Variants in DIP2C observed in about 807,000 individuals in gnomAD.
DIP2C encodes the protein DIP2 acetate--CoA ligase C (putative).
In DIP2C, 33 loss-of-function variants were observed where a neutral mutation model predicts 192.4. The ratio of observed to expected loss-of-function variants is 0.17; its 90% CI spans 0.13 to 0.23. DIP2C has a LOEUF of 0.23. Among genes scored for constraint, DIP2C ranks in the 10% least tolerant of loss-of-function variants. The probability of loss-of-function intolerance (pLI) is 1.00; values close to 1 mark genes in which losing one functional copy is unlikely to be tolerated. For missense variants in DIP2C, 1,537 were observed against 2,110.1 expected (o/e 0.73, Z 5.32); for synonymous variants, 979 against 864.1 (o/e 1.13, Z -2.33).
rs146149577 is a variant in DIP2C at position 356,439 on chromosome 10, A to G, written c.2972T>C (p.Leu991Pro). The change falls in exon 24 of 37, where the codon CTG becomes CCG. Residue 991 changes from leucine (L) to proline (P), a missense_variant. Leu to Pro is a moderately conservative substitution (Grantham distance 98, BLOSUM62 -3). Around this residue, in one of 4 missense-constraint regions of DIP2C, gnomAD observed 677 missense variants for 989.9 expected, o/e 0.68. Coordinates refer to ENST00000280886, the MANE Select transcript of DIP2C (RefSeq NM_014974.3). ...TCCGCGCCTCACCCGACAGTTGAGC[A>G]GCGTGTAGAGGATGTGGTCCGGGGT... Reference protein sequence around the residue: ...QTTPDHILYTLLNCRGAIANS... With the variant: ...QTTPDHILYTPLNCRGAIANS... 1.9e-6 allele frequency: 3 copies of G among 1,611,678 alleles called. No individual in the cohort carries two copies. In the African/African-American group the frequency reaches 4.0e-5, roughly 22 times the overall value.
At chr10:493,457 C>T (rs777177517) in intron 1 of DIP2C, among the ~76,000 whole-genome samples, 22 of 152,014 alleles carry the variant, frequency 1.4e-4, no homozygotes, top group Non-Finnish European at 2.8e-4. Flanking sequence ...TTGGGGGGAG[C>T]GAGAAGGGGC....
chr10:574,118 C>T (rs1588491631), intron 1 of DIP2C, among the ~76,000 whole-genome samples: 1 of 152,238 alleles, frequency 6.6e-6, no homozygotes, highest in African/African-American at 2.4e-5. Flanking sequence ...CGTTCTGATG[C>T]ATTTTACTGA....
intron 3 of DIP2C, among the ~76,000 whole-genome samples, chr10:455,124 A>G (rs1969181463): frequency 6.6e-6 from 1 of 152,228 alleles, no homozygotes; most frequent in Admixed American, 6.5e-5. Context: ...TCACAGCAGC[A>G]GAGCAGGAAG....
At chr10:581,567 G>A (rs1332649854) in intron 1 of DIP2C, among the ~76,000 whole-genome samples, 1 of 152,188 alleles carries the variant, frequency 6.6e-6, no homozygotes, top group African/African-American at 2.4e-5. Flanking sequence ...TGATTTTAAT[G>A]TATTTTTGGT....
At chr10:434,968 T>G (rs536755215) in intron 4 of DIP2C, among the ~76,000 whole-genome samples, 1 of 151,976 alleles carries the variant, frequency 6.6e-6, no homozygotes, top group Admixed American at 6.6e-5. Context: ...TTTTTGTCGT[T>G]GTTGTTTTTA....
chr10:420,415 G>T (rs1023064426), intron 5 of DIP2C, among the ~76,000 whole-genome samples: 7 of 152,160 alleles, frequency 4.6e-5, no homozygotes, highest in Non-Finnish European at 1.0e-4. Context: ...GAAAAGACAA[G>T]AACTAAGGGG....
At chr10:344,773 G>GCCTCCATGGCCACCGCCCGCAGCCA in intron 28 of DIP2C, 36 bp downstream of exon 28, 2 of 1,541,258 alleles carry the variant, frequency 1.3e-6, no homozygotes, top group Non-Finnish European at 1.8e-6. Flanking sequence ...CTCCGCAGTT[G>GCCTCCATGGCCACCGCCCGCAGCCA]CCTCCATGGC....
chr10:557,525 C>T (rs1848943173), intron 1 of DIP2C, among the ~76,000 whole-genome samples: 1 of 151,126 alleles, frequency 6.6e-6, no homozygotes, highest in African/African-American at 2.4e-5. Flanking sequence ...CCCACGACAT[C>T]ACGTTTCTCA....
intron 2 of DIP2C, among the ~76,000 whole-genome samples, chr10:472,979 T>C (rs574074941): frequency 1.3e-5 from 2 of 152,358 alleles, no homozygotes; most frequent in East Asian, 3.9e-4. Context: ...ATTGTTAAAA[T>C]AAATCTTAGA....
chr10:409,324 C>G (rs529706177), intron 8 of DIP2C, among the ~76,000 whole-genome samples: 1 of 152,176 alleles, frequency 6.6e-6, no homozygotes, highest in Admixed American at 6.5e-5. Context: ...AGGGGGGGCG[C>G]GGACAGTGCA....
At chr10:496,951 C>T (rs1194967340) in intron 1 of DIP2C, among the ~76,000 whole-genome samples, 1 of 152,158 alleles carries the variant, frequency 6.6e-6, no homozygotes, top group Non-Finnish European at 1.5e-5. Flanking sequence ...GGTGAAACTC[C>T]ATCTCTAGTA....
intron 9 of DIP2C, among the ~76,000 whole-genome samples, chr10:407,462 C>T (rs1215094792): frequency 2.0e-5 from 3 of 152,218 alleles, no homozygotes; most frequent in Non-Finnish European, 4.4e-5. Context: ...AGCAGAACTG[C>T]TGGATCACAC....
chr10:417,016 T>C (rs1000410572), intron 6 of DIP2C, among the ~76,000 whole-genome samples: 2 of 152,242 alleles, frequency 1.3e-5, no homozygotes, highest in East Asian at 1.9e-4. Context: ...AAATGCTCTA[T>C]AGCACTTTAA....
intron 1 of DIP2C, among the ~76,000 whole-genome samples, chr10:540,429 T>C (rs1847915824): frequency 6.6e-6 from 1 of 152,240 alleles, no homozygotes. Context: ...ATAGTTCCTT[T>C]ACACTGGGAA....
intron 29 of DIP2C, among the ~76,000 whole-genome samples, chr10:337,132 G>GAT (rs1957843228): frequency 7.5e-6 from 1 of 134,130 alleles, no homozygotes; most frequent in Non-Finnish European, 1.6e-5. Context: ...CTAGGCAGCT[G>GAT]TGTGTGTGTG....
intron 1 of DIP2C, among the ~76,000 whole-genome samples, chr10:618,581 A>T (rs914887004): frequency 1.8e-3 from 140 of 79,194 alleles, no homozygotes; most frequent in African/African-American, 7.4e-3. Context: ...AGCTCCATGT[A>T]TGAATTTAGT....
intron 7 of DIP2C, among the ~76,000 whole-genome samples, chr10:414,868 GTGTGTGTGTGTGTGTGTGTGTGTA>G (rs1340014434): frequency 1.5e-3 from 82 of 53,580 alleles, no homozygotes; most frequent in Admixed American, 4.7e-3. Context: ...GTGTGTGTGT[GTGTGTGTGTGTGTGTGTGTGTGTA>G]TATATATATA....
intron 32 of DIP2C, among the ~76,000 whole-genome samples, chr10:309,349 C>CTA (rs1277591054): frequency 2.0e-5 from 3 of 152,118 alleles, no homozygotes; most frequent in African/African-American, 7.2e-5. Context: ...AACCTGACCC[C>CTA]TAACCCCTAT....
At chr10:286,401 A>G in intron 33 of DIP2C, 54 bp from the exon 34 acceptor site, 1 of 1,508,902 alleles carries the variant, frequency 6.6e-7, no homozygotes, top group Non-Finnish European at 9.2e-7. Flanking sequence ...GGGAGAGACT[A>G]CACACAAGCC....
Sources: allele counts gnomAD v4.1 joint callset (sites outside exome capture counted in the v4.1 genomes callset), GRCh38; gene constraint gnomAD v4.1.1; regional missense constraint gnomAD v4.1.1; transcripts MANE v1.5; gene names NCBI Gene and HGNC (gene_info 2026-07-23, HGNC 2026-07-21).